Variants in SYNPR observed in about 807,000 individuals in gnomAD.
The protein encoded by SYNPR is synaptoporin.
In SYNPR, 23 loss-of-function variants were observed where a neutral mutation model predicts 32.9. The ratio of observed to expected loss-of-function variants is 0.70; its 90% confidence interval spans 0.50 to 0.99. SYNPR has a LOEUF of 0.99. Among genes scored for constraint, SYNPR ranks in the 50% least tolerant of loss-of-function variants. SYNPR has a pLI of 0.00. For missense variants in SYNPR, 318 were observed against 349.3 expected (o/e 0.91, Z 0.71); for synonymous variants, 146 against 135.9 (o/e 1.07, Z -0.52).
chr3:63,609,743 C>T (rs1362119612), intron 5 of SYNPR, among the ~76,000 whole-genome samples: 3 of 152,038 alleles, frequency 2.0e-5, no homozygotes, highest in Non-Finnish European at 2.9e-5. Context: ...CCTGTCTCTA[C>T]TAAAAATACA....
At chr3:63,474,046 G>A (rs546438898) in intron 2 of SYNPR, among the ~76,000 whole-genome samples, 72 of 152,256 alleles carry the variant, frequency 4.7e-4, no homozygotes, top group Admixed American at 4.6e-4. Flanking sequence ...ACAAGTGGGC[G>A]GTGGGATGGG....
At chr3:63,233,824 G>C (rs777664133) in intron 1 of SYNPR, among the ~76,000 whole-genome samples, 1 of 152,184 alleles carries the variant, frequency 6.6e-6, no homozygotes, top group Non-Finnish European at 1.5e-5. Flanking sequence ...TGTATGTTAT[G>C]AGATAGCCTT....
intron 3 of SYNPR, among the ~76,000 whole-genome samples, chr3:63,502,343 C>T (rs991636635): frequency 6.6e-6 from 1 of 151,796 alleles, no homozygotes. Context: ...TTATCAATAT[C>T]CCCCACCAGA....
At chr3:63,237,961 G>T (rs2086211940) in intron 1 of SYNPR, among the ~76,000 whole-genome samples, 1 of 152,178 alleles carries the variant, frequency 6.6e-6, no homozygotes, top group Non-Finnish European at 1.5e-5. Context: ...ATTCTCAATT[G>T]CTCCTCCCCA....
chr3:63,476,987 G>C (rs1244562224), intron 2 of SYNPR, among the ~76,000 whole-genome samples: 1 of 152,140 alleles, frequency 6.6e-6, no homozygotes, highest in Non-Finnish European at 1.5e-5. Flanking sequence ...TGTTAGTCTT[G>C]ATTTGGTAGA....
the SYNPR span, among the ~76,000 whole-genome samples, chr3:63,221,563 C>G: frequency 0.014 from 2,193 of 152,222 alleles, 44 homozygotes; most frequent in African/African-American, 0.049. Flanking sequence ...GCCCAGGTGT[C>G]TCCTATGCTG....
chr3:63,585,405 A>C (rs1443212152), intron 4 of SYNPR, among the ~76,000 whole-genome samples: 1 of 151,882 alleles, frequency 6.6e-6, no homozygotes, highest in Non-Finnish European at 1.5e-5. Flanking sequence ...ATGCCCCTGG[A>C]AGGCAATGGC....
chr3:63,344,742 A>G (rs2087414762), intron 2 of SYNPR, among the ~76,000 whole-genome samples: 1 of 151,826 alleles, frequency 6.6e-6, no homozygotes, highest in African/African-American at 2.4e-5. Context: ...AGAGCCGGCC[A>G]AGTGGAAAGA....
intron 2 of SYNPR, among the ~76,000 whole-genome samples, chr3:63,310,363 C>T (rs1436621558): frequency 3.9e-5 from 6 of 152,060 alleles, no homozygotes; most frequent in East Asian, 1.9e-4. Context: ...AGGATATAAC[C>T]GCCTTTAGGT....
chr3:63,587,355 C>T (rs1442659363), intron 4 of SYNPR, among the ~76,000 whole-genome samples: 2 of 152,114 alleles, frequency 1.3e-5, no homozygotes, highest in Admixed American at 6.6e-5. Context: ...GATTTGAACA[C>T]CAAAGACCAG....
intron 1 of SYNPR, among the ~76,000 whole-genome samples, chr3:63,235,056 A>G (rs1042745347): frequency 6.6e-6 from 1 of 152,066 alleles, no homozygotes; most frequent in African/African-American, 2.4e-5. Flanking sequence ...ACTTATCAAG[A>G]TTTTCCCTGT....
intron 2 of SYNPR, among the ~76,000 whole-genome samples, chr3:63,297,937 A>G (rs936572241): frequency 3.3e-5 from 5 of 152,142 alleles, no homozygotes; most frequent in Non-Finnish European, 5.9e-5. Context: ...TATGTTATCT[A>G]TAGGAACAAT....
At chr3:63,444,248 G>A (rs945989442) in intron 2 of SYNPR, 6 of 152,176 alleles carry the variant, frequency 3.9e-5, no homozygotes, top group South Asian at 4.1e-4. Flanking sequence ...ACCGTTGCTG[G>A]AAATGATTTT....
At position 63,438,412 on chromosome 3, in the gene SYNPR, T is replaced by C. The variant is rs1316987987; in HGVS notation, c.85-42420T>C. ...GCTTGCTATGTTGCCTAGGCTGGTC[T>C]CGAACTCCCGGCCTTGCCTACCTTA... On this transcript the variant is annotated intron_variant, in intron 2 of 5. Transcript: ENST00000478300. Among the ~76,000 whole-genome samples the C allele has an allele frequency of 2.6e-5, 4 of 152,304 alleles. No individual in the cohort carries two copies. In the East Asian group the frequency reaches 7.7e-4, roughly 29 times the overall value.
intron 2 of SYNPR, among the ~76,000 whole-genome samples, chr3:63,330,479 C>A (rs2087216418): frequency 2.0e-5 from 3 of 151,866 alleles, no homozygotes; most frequent in African/African-American, 7.3e-5. Context: ...AAGAGTCTCA[C>A]CTCATGCAGC....
At chr3:63,509,103 CAT>C (rs745994932) in intron 3 of SYNPR, among the ~76,000 whole-genome samples, 158 of 146,500 alleles carry the variant, frequency 1.1e-3, no homozygotes, top group Admixed American at 1.4e-3. Context: ...TACCTTTCAG[CAT>C]ATATATATAT....
intron 2 of SYNPR, among the ~76,000 whole-genome samples, chr3:63,455,019 C>T (rs1055613140): frequency 6.6e-6 from 1 of 152,070 alleles, no homozygotes; most frequent in Non-Finnish European, 1.5e-5. Flanking sequence ...AAAGTTTAAA[C>T]ATTCAATCCA....
At chr3:63,298,420 TAGGAAATGATCCC>T in intron 2 of SYNPR, among the ~76,000 whole-genome samples, 1 of 152,114 alleles carries the variant, frequency 6.6e-6, no homozygotes, top group Non-Finnish European at 1.5e-5. Flanking sequence ...GGTAATTTGT[TAGGAAATGATCCC>T]AGGAAATAGG....
chr3:63,595,806 T>C (rs1201850198), intron 4 of SYNPR, among the ~76,000 whole-genome samples: 1 of 70,810 alleles, frequency 1.4e-5, no homozygotes, highest in African/African-American at 5.9e-5. Context: ...TATAGTTATA[T>C]ATATATATAG....
Sources: gnomAD v4.1 joint callset for allele counts (sites outside exome capture counted in the v4.1 genomes callset) on GRCh38, gnomAD v4.1.1 for gene constraint, MANE v1.5 for transcripts, NCBI Gene and HGNC (gene_info 2026-07-23, HGNC 2026-07-21) for gene names.